The following CALHM6 variants were observed in gnomAD, a reference collection of about 807,000 sequenced individuals.
CALHM6 encodes the protein calcium homeostasis modulator protein 6.
In CALHM6, 15 loss-of-function variants were observed where a neutral mutation model predicts 12.7. The ratio of observed to expected loss-of-function variants is 1.18; its 90% CI spans 0.79 to 1.82. The LOEUF (loss-of-function observed/expected upper bound fraction) is 1.82. Among genes scored for constraint, CALHM6 ranks in the 40% most tolerant of loss-of-function variants. The pLI is 0.00. For synonymous variants in CALHM6, 212 were observed against 193.7 expected (o/e 1.09, Z -0.78); for missense variants, 434 against 421.0 (o/e 1.03, Z -0.27).
chr6:116,462,123 T>A lies in CALHM6; in HGVS notation c.194T>A (p.Leu65His). ...CTGGTGCCGGCGCTCGCGCTCTTCC[T>A]CCTGGGCTACGTGCTGAGCGCACGC... The part of the protein sequence containing the change: ...FLLVPALALF[L>H]LGYVLSARTW... Residue 65 changes from leucine (L) to histidine (H), a missense_variant, in exon 2 of 3, where the codon CTC becomes CAC. Leu to His is a moderately conservative substitution (Grantham distance 99, BLOSUM62 -3). Transcript: ENST00000368605. 6.5e-7 allele frequency: 1 copy of A among 1,540,322 alleles called. No individual in the cohort carries two copies. Among genetic ancestry groups the A allele is most frequent in the Non-Finnish European group, 8.7e-7 (1 of 1,145,934 alleles).
chr6:116,461,705 T>C (rs1784772197), intron 1 of CALHM6, among the ~76,000 whole-genome samples, 167 bp from the exon 2 acceptor site: 1 of 151,120 alleles, frequency 6.6e-6, no homozygotes, highest in African/African-American at 2.4e-5. Flanking sequence ...CTGGGGGTGT[T>C]TGCTTGCCTG....
At chr6:116,461,791 T>TAAAAAAAA in intron 1 of CALHM6, 81 bp from the exon 2 acceptor site, 1 of 541,408 alleles carries the variant, frequency 1.8e-6, no homozygotes, top group Non-Finnish European at 2.5e-6. Context: ...CCTCTTCCCT[T>TAAAAAAAA]TAAAAAAAAA....
Position 116,461,891 on chromosome 6 carries a change from G to A in CALHM6, c.-39G>A. 1 of 1,470,286 alleles carries A rather than the reference G, an allele frequency of 6.8e-7. No individual in the cohort carries two copies. The highest frequency in any genetic ancestry group is 9.1e-7 in the Non-Finnish European group (1 of 1,104,214). 91.1% of individuals were successfully genotyped at this position (1,470,286 alleles called of 1,614,324 possible). A position where few individuals can be genotyped will look rare whatever the true frequency, so the allele number is the denominator to read the frequency against. On this transcript the variant is annotated 5_prime_UTR_variant, in exon 2 of 3. Transcript: ENST00000368605. The stretch of plus-strand genomic sequence containing the variant: ...AAGCAGGACAACGAAGAGGCAGAAG[G>A]ATCTGGGCCTGTGCGCGACGCCCCG...
Position 116,462,202 on chromosome 6 carries a change from G to GGCGCTGCGCGGCTCC in CALHM6, c.274_288dup (p.Ala92_Ser96dup). On this transcript the variant is annotated inframe_insertion, in exon 2 of 3. Transcript: ENST00000368605. Reference sequence around the variant, plus strand: ...CCAGCGCCCGCGCGAGTTGCGGATCGGCGCTGCGCGGCTCCCTGGTGTGCA... The same window carrying GGCGCTGCGCGGCTCC: ...CCAGCGCCCGCGCGAGTTGCGGATCGGCGCTGCGCGGCTCCGCGCTGCGCGGCTCCCTGGTGTGCA... 2.0e-6 allele frequency: 3 copies of GGCGCTGCGCGGCTCC among 1,491,530 alleles called. No individual in the cohort carries two copies. Among genetic ancestry groups the GGCGCTGCGCGGCTCC allele is most frequent in the Non-Finnish European group, 2.7e-6 (3 of 1,124,456 alleles). The allele number at this position is 1,491,530 out of a possible 1,614,324, so 92.4% of individuals were successfully genotyped here. A position where few individuals can be genotyped will look rare whatever the true frequency, so the allele number is the denominator to read the frequency against.
In CALHM6 at chr6:116,463,584, T is replaced by G; in HGVS notation, c.827T>G (p.Leu276Trp). The change falls in exon 3 of 3, where the codon TTG becomes TGG. Residue 276 changes from leucine to tryptophan, a missense_variant. By Grantham distance (61) the Leu-to-Trp change is moderately conservative. Coordinates refer to ENST00000368605, the MANE Select transcript of CALHM6 (RefSeq NM_001010919.3). ...CCGAAGGGCCAGTACTACAGCATGT[T>G]GCACAAATATGTCAACAGAAAAGAG... Reference protein sequence around the residue: ...FNPKGQYYSMLHKYVNRKEKT... With the variant: ...FNPKGQYYSMWHKYVNRKEKT... The G allele has an allele frequency of 1.2e-6, 2 of 1,614,176 alleles. No homozygotes were observed. Among genetic ancestry groups the G allele is most frequent in the Non-Finnish European group, 1.7e-6 (2 of 1,180,016 alleles).
Position 116,461,877 on chromosome 6 carries a change from C to A in CALHM6, c.-53C>A. 1 of 1,426,672 alleles carries A rather than the reference C, an allele frequency of 7.0e-7. No individual in the cohort carries two copies. Among genetic ancestry groups the A allele is most frequent in the African/African-American group, 1.5e-5 (1 of 67,736 alleles). 88.4% of individuals were successfully genotyped at this position (1,426,672 alleles called of 1,614,324 possible). On this transcript the variant is annotated 5_prime_UTR_variant, in exon 2 of 3. Coordinates refer to ENST00000368605, the MANE Select transcript of CALHM6 (RefSeq NM_001010919.3). ...CAAAACCATTTGACAAGCAGGACAACGAAGAGGCAGAAGGATCTGGGCCTG... is the reference window on the plus strand; with the variant it reads ...CAAAACCATTTGACAAGCAGGACAAAGAAGAGGCAGAAGGATCTGGGCCTG...
chr6:116,462,499 G>A, intron 2 of CALHM6, 45 bp downstream of exon 2: 3 of 1,409,366 alleles, frequency 2.1e-6, no homozygotes, highest in Non-Finnish European at 2.8e-6. Context: ...CCGAGAGGCC[G>A]AGCTTTCTCA....
At position 116,461,902 on chromosome 6, in the gene CALHM6, G is replaced by A; in HGVS notation, c.-28G>A. 4 of 1,479,878 alleles carry A rather than the reference G, an allele frequency of 2.7e-6. No individual in the cohort carries two copies. The highest frequency in any genetic ancestry group is 3.6e-6 in the Non-Finnish European group (4 of 1,108,138). The allele number at this position is 1,479,878 out of a possible 1,614,324, so 91.7% of individuals were successfully genotyped here. ...CGAAGAGGCAGAAGGATCTGGGCCTGTGCGCGACGCCCCGGGGGACGAGGC... is the reference window on the plus strand; with the variant it reads ...CGAAGAGGCAGAAGGATCTGGGCCTATGCGCGACGCCCCGGGGGACGAGGC... On this transcript the variant is annotated 5_prime_UTR_variant, in exon 2 of 3. It adds an upstream start codon to the 5' untranslated region. Transcript: ENST00000368605.
Position 116,462,295 on chromosome 6 carries a change from C to G in CALHM6, c.366C>G (p.Ala122=), listed in dbSNP as rs952320989. ...TWVAVALLGG[A]FYECAATGSA... The stretch of plus-strand genomic sequence containing the variant: ...TGGCCGTGGCGCTGCTCGGGGGCGC[C>G]TTTTACGAGTGCGCGGCCACCGGGA... The change falls in exon 2 of 3, where the codon GCC becomes GCG. Residue 122 remains alanine, a synonymous_variant. Coordinates refer to ENST00000368605, the MANE Select transcript of CALHM6 (RefSeq NM_001010919.3). 2.0e-5 allele frequency: 28 copies of G among 1,422,750 alleles called. No homozygotes were observed. In the African/African-American group the frequency reaches 3.7e-4, roughly 19 times the overall value. 88.1% of individuals were successfully genotyped at this position (1,422,750 alleles called of 1,614,324 possible).
intron 1 of CALHM6, 101 bp from the exon 2 acceptor site, chr6:116,461,771 T>A (rs1204746100): frequency 1.1e-5 from 10 of 896,900 alleles, no homozygotes; most frequent in Non-Finnish European, 1.6e-5. Context: ...TTTAGGAAGG[T>A]CTGAGAAGCC....
chr6:116,462,359 C>A lies in CALHM6; in HGVS notation c.430C>A (p.Arg144Ser), dbSNP rs534984948. The A allele has an allele frequency of 1.3e-3, 1,885 of 1,448,956 alleles. 1 individual carries two copies. The highest frequency in any genetic ancestry group is 1.6e-3 in the Non-Finnish European group (1,764 of 1,106,184). 89.8% of individuals were successfully genotyped at this position (1,448,956 alleles called of 1,614,324 possible). A position where few individuals can be genotyped will look rare whatever the true frequency, so the allele number is the denominator to read the frequency against. Residue 144 changes from arginine (R) to serine (S), a missense_variant, in exon 2 of 3, where the codon CGC becomes AGC. Arg to Ser is a moderately radical substitution (Grantham distance 110). Coordinates refer to ENST00000368605, the MANE Select transcript of CALHM6 (RefSeq NM_001010919.3). ...GCAGCGCCTGTGCCTCGGCCGCAAC[C>A]GCAGCTGCGCCGCGGAGCTGCCGCT... is the stretch of plus-strand genomic sequence containing the variant. Reference protein sequence around the residue: ...FAQRLCLGRNRSCAAELPLVP... With the variant: ...FAQRLCLGRNSSCAAELPLVP...
chr6:116,461,870 A>T lies in CALHM6; in HGVS notation c.-58-2A>T. On this transcript the variant is annotated splice_acceptor_variant, in intron 1 of 2. Coordinates refer to ENST00000368605, the MANE Select transcript of CALHM6 (RefSeq NM_001010919.3). LOFTEE classifies it low-confidence loss of function (5UTR_SPLICE). ...ATCCCACCAAAACCATTTGACAAGCAGGACAACGAAGAGGCAGAAGGATCT... is the reference window on the plus strand; with the variant it reads ...ATCCCACCAAAACCATTTGACAAGCTGGACAACGAAGAGGCAGAAGGATCT... 1 of 1,415,440 alleles carries T rather than the reference A, an allele frequency of 7.1e-7. No individual in the cohort carries two copies. 87.7% of individuals were successfully genotyped at this position (1,415,440 alleles called of 1,614,324 possible). A position where few individuals can be genotyped will look rare whatever the true frequency, so the allele number is the denominator to read the frequency against.
At position 116,463,566 on chromosome 6, in the gene CALHM6, G is replaced by A; in HGVS notation, c.809G>A (p.Gly270Asp). The A allele has an allele frequency of 6.2e-7, 1 of 1,614,114 alleles. No individual in the cohort carries two copies. Among genetic ancestry groups the A allele is most frequent in the Non-Finnish European group, 8.5e-7 (1 of 1,180,010 alleles). ...TCACTGTATACTTTCAATCCGAAGG[G>A]CCAGTACTACAGCATGTTGCACAAA... The part of the protein sequence containing the change: ...ISSLYTFNPK[G>D]QYYSMLHKYV... Residue 270 changes from glycine to aspartate, a missense_variant, in exon 3 of 3, where the codon GGC becomes GAC. Physicochemically the swap from Gly to Asp is moderately conservative, Grantham distance 94. Coordinates refer to ENST00000368605, the MANE Select transcript of CALHM6 (RefSeq NM_001010919.3).
chr6:116,463,746 G>T lies in CALHM6; in HGVS notation c.*41G>T. ...GAAAAAAAAATTGTTTTGAATTATT[G>T]CTTTATTAAAAAATAAACATTGGTA... On this transcript the variant is annotated 3_prime_UTR_variant, in exon 3 of 3. Transcript: ENST00000368605. 2 of 1,413,944 alleles carry T rather than the reference G, an allele frequency of 1.4e-6. No homozygotes were observed. The highest frequency in any genetic ancestry group is 1.9e-6 in the Non-Finnish European group (2 of 1,061,246). The allele number at this position is 1,413,944 out of a possible 1,614,324, so 87.6% of individuals were successfully genotyped here.
chr6:116,463,164 T>TA, intron 2 of CALHM6, 119 bp from the exon 3 acceptor site: 1 of 992,860 alleles, frequency 1.0e-6, no homozygotes, highest in Non-Finnish European at 1.5e-6. Context: ...AATTAAGACC[T>TA]AAAACTGTTG....
rs541870005 is a variant in CALHM6 at position 116,462,082 on chromosome 6, C to T, written c.153C>T (p.Tyr51=). ...GCAGCGCCGCCTGGAACCTGCCCTA[C>T]GGCCTGGTCTTCTTGCTGGTGCCGG... is the stretch of plus-strand genomic sequence containing the variant. The part of the protein sequence containing the change: ...CPCSAAWNLP[Y]GLVFLLVPAL... Residue 51 remains tyrosine, a synonymous_variant, in exon 2 of 3, where the codon TAC becomes TAT. Coordinates refer to ENST00000368605, the MANE Select transcript of CALHM6 (RefSeq NM_001010919.3). The T allele has an allele frequency of 5.3e-5, 82 of 1,546,660 alleles. No individual in the cohort carries two copies. Among genetic ancestry groups the T allele is most frequent in the Non-Finnish European group, 7.2e-5 (82 of 1,146,202 alleles).
chr6:116,461,607 A>AC (rs1784770447), intron 1 of CALHM6, among the ~76,000 whole-genome samples, 178 bp downstream of exon 1: 1 of 151,852 alleles, frequency 6.6e-6, no homozygotes, highest in Non-Finnish European at 1.5e-5. Flanking sequence ...AACAAGGTCA[A>AC]CCTTCTGTCA....
chr6:116,462,498 C>T, intron 2 of CALHM6, 44 bp downstream of exon 2: 1 of 1,408,384 alleles, frequency 7.1e-7, no homozygotes. Context: ...GCCGAGAGGC[C>T]GAGCTTTCTC....
intron 1 of CALHM6, 43 bp from the exon 2 acceptor site, chr6:116,461,829 G>T: frequency 2.4e-6 from 3 of 1,250,808 alleles, no homozygotes; most frequent in Non-Finnish European, 3.1e-6. Flanking sequence ...TCGCAGAGTG[G>T]AAAGCCCCGG....
Sources: gnomAD v4.1 joint callset for allele counts (sites outside exome capture counted in the v4.1 genomes callset) on GRCh38, gnomAD v4.1.1 for gene constraint, MANE v1.5 for transcripts, NCBI Gene and HGNC (gene_info 2026-07-23, HGNC 2026-07-21) for gene names.